CEP63: variants seen among roughly 807,000 people sequenced by gnomAD.
CEP63 encodes the protein centrosomal protein of 63 kDa.
CEP63 carries 84 observed loss-of-function variants against 89.1 expected under a neutral mutation model. The ratio of observed to expected loss-of-function variants is 0.94; its 90% CI spans 0.79 to 1.13. CEP63 has a LOEUF of 1.13. Among genes scored for constraint, CEP63 ranks in the 50% most tolerant of loss-of-function variants. The probability of loss-of-function intolerance (pLI) is 0.00; values close to 1 mark genes in which losing one functional copy is unlikely to be tolerated. For synonymous variants in CEP63, 267 were observed against 272.5 expected, an observed-to-expected ratio of 0.98 and a Z score of 0.20; for missense variants, 838 against 813.3, an observed-to-expected ratio of 1.03 and a Z score of -0.37.
In CEP63 at chr3:134,587,321, C is replaced by G. The variant is rs140597694; in HGVS notation, c.1207-137C>G. 5.1e-3 allele frequency among the ~76,000 whole-genome samples: 776 copies of G among 152,294 alleles called. 8 individuals are homozygous for G. Among genetic ancestry groups the G allele is most frequent in the African/African-American group, 0.018 (746 of 41,548 alleles). On this transcript the variant is annotated intron_variant, in intron 10 of 10. Transcript: ENST00000683931. The stretch of plus-strand genomic sequence containing the variant: ...CTTTTCTGCTCTGGTTTCTCCCCAT[C>G]TTTGTGGTTTTATCTACCTTTGGTC...
intron 3 of CEP63, among the ~76,000 whole-genome samples, chr3:134,529,803 G>A (rs555513366): frequency 1.2e-4 from 18 of 151,250 alleles, no homozygotes; most frequent in African/African-American, 3.9e-4. Context: ...CACTCTACCT[G>A]GCTCTACATT....
the CEP63 span, among the ~76,000 whole-genome samples, chr3:134,629,040 T>G: frequency 1.3e-5 from 2 of 152,334 alleles, no homozygotes; most frequent in Middle Eastern, 3.4e-3. Flanking sequence ...GGTGCACAGA[T>G]GCAGGGAGAG....
chr3:134,487,051 C>T (rs980484072), intron 1 of CEP63, among the ~76,000 whole-genome samples: 3 of 152,138 alleles, frequency 2.0e-5, no homozygotes, highest in Admixed American at 6.5e-5. Flanking sequence ...GAGTAGTTTT[C>T]CCTGAGCCTT....
chr3:134,526,627 G>A (rs1198651505), intron 3 of CEP63, among the ~76,000 whole-genome samples: 1 of 152,108 alleles, frequency 6.6e-6, no homozygotes, highest in Admixed American at 6.5e-5. Context: ...GCCCAGTTCT[G>A]AACCCTTACT....
chr3:134,756,874 C>T, the CEP63 span, among the ~76,000 whole-genome samples: 2 of 152,162 alleles, frequency 1.3e-5, no homozygotes, highest in Non-Finnish European at 2.9e-5. Flanking sequence ...CTTGTTTTTC[C>T]AGCTCCAAAA....
the CEP63 span, among the ~76,000 whole-genome samples, chr3:134,597,526 G>A: frequency 3.9e-5 from 6 of 152,220 alleles, no homozygotes; most frequent in South Asian, 2.1e-4. Context: ...TCTGCAAGGA[G>A]TGCAGGTCGC....
chr3:134,600,188 G>A, the CEP63 span, among the ~76,000 whole-genome samples: 1 of 152,184 alleles, frequency 6.6e-6, no homozygotes, highest in African/African-American at 2.4e-5. Flanking sequence ...TTTGCTGCAG[G>A]CAGACCAGGA....
chr3:134,630,597 A>C, the CEP63 span, among the ~76,000 whole-genome samples: 1 of 152,200 alleles, frequency 6.6e-6, no homozygotes, highest in Non-Finnish European at 1.5e-5. Flanking sequence ...TGAACTGTGC[A>C]TGCATAGATC....
chr3:134,731,816 G>T, the CEP63 span, among the ~76,000 whole-genome samples: 1 of 152,080 alleles, frequency 6.6e-6, no homozygotes, highest in Non-Finnish European at 1.5e-5. Flanking sequence ...TCTATGAAAA[G>T]GGAAAAAGGG....
At chr3:134,559,047 A>C (rs1956830313) in intron 13 of CEP63, 103 bp from the exon 14 acceptor site, 2 of 1,169,814 alleles carry the variant, frequency 1.7e-6, no homozygotes, top group Non-Finnish European at 2.5e-6. Context: ...TGTAAATTGT[A>C]GCCTTATTAG....
the CEP63 span, among the ~76,000 whole-genome samples, chr3:134,647,939 G>T: frequency 6.6e-6 from 1 of 152,242 alleles, no homozygotes. Flanking sequence ...GAAAATGACA[G>T]TTGCCAGTTC....
the CEP63 span, among the ~76,000 whole-genome samples, chr3:134,746,068 A>C: frequency 8.4e-4 from 100 of 119,710 alleles, no homozygotes; most frequent in East Asian, 1.7e-3. Flanking sequence ...CTCCTCCACC[A>C]CCCCCCCCAC....
intron 3 of CEP63, 77 bp downstream of exon 3, chr3:134,507,363 T>C: frequency 8.8e-7 from 1 of 1,140,344 alleles, no homozygotes; most frequent in Non-Finnish European, 1.3e-6. Context: ...TAAGTATTTG[T>C]TGAAGAAAGA....
chr3:134,708,301 C>T, the CEP63 span, among the ~76,000 whole-genome samples: 3 of 152,220 alleles, frequency 2.0e-5, no homozygotes. Flanking sequence ...CATAGATTTT[C>T]AACAACAATA....
chr3:134,522,653 T>C (rs576946334), intron 3 of CEP63, among the ~76,000 whole-genome samples: 10 of 152,138 alleles, frequency 6.6e-5, no homozygotes, highest in Non-Finnish European at 1.5e-4. Context: ...GTTGTTCCCC[T>C]CTATGTGTCC....
chr3:134,649,086 A>G, the CEP63 span, among the ~76,000 whole-genome samples: 1 of 152,222 alleles, frequency 6.6e-6, no homozygotes, highest in African/African-American at 2.4e-5. Context: ...ATCAAAAGCC[A>G]TGCACTTTTC....
downstream of CEP63, among the ~76,000 whole-genome samples, chr3:134,578,322 G>GGT (rs1671294246): frequency 1.1e-4 from 7 of 62,076 alleles, no homozygotes; most frequent in African/African-American, 4.3e-4. Flanking sequence ...TCTGACTTGT[G>GGT]TTTTTTTTTT....
At chr3:134,714,351 C>A in the CEP63 span, among the ~76,000 whole-genome samples, 1 of 152,104 alleles carries the variant, frequency 6.6e-6, no homozygotes, top group African/African-American at 2.4e-5. Flanking sequence ...TGCAAGAGGA[C>A]ATAAAAGTAG....
the CEP63 span, among the ~76,000 whole-genome samples, chr3:134,710,000 T>C: frequency 1.3e-5 from 2 of 152,204 alleles, no homozygotes; most frequent in East Asian, 1.9e-4. Context: ...CACCCTTCAC[T>C]GCATTGGCAA....
Sources: allele counts gnomAD v4.1 joint callset (sites outside exome capture counted in the v4.1 genomes callset), GRCh38; gene constraint gnomAD v4.1.1; transcripts MANE v1.5; gene names NCBI Gene and HGNC (gene_info 2026-07-23, HGNC 2026-07-21).